The following CCDC27 variants were observed in gnomAD, a reference collection of about 807,000 sequenced individuals.
CCDC27 encodes coiled-coil domain-containing protein 27.
A neutral mutation model predicts 80.3 loss-of-function variants in CCDC27; 80 were observed. That is an observed-to-expected ratio of 1.00 (90% CI 0.83 to 1.20). The LOEUF is 1.20. Ranked by LOEUF, CCDC27 falls within the 50% of genes most tolerant of loss-of-function variation. CCDC27 has a pLI of 0.00. For missense variants in CCDC27, 815 were observed against 809.4 expected (o/e 1.01, Z -0.08); for synonymous variants, 342 against 334.3 (o/e 1.02, Z -0.25).
At chr1:3,755,830 T>C in intron 3 of CCDC27, 1 of 448,044 alleles carries the variant, frequency 2.2e-6, no homozygotes. Context: ...CCCTTGGCCT[T>C]TACCCAGTGG....
Position 3,760,256 on chromosome 1 carries a change from C to T in CCDC27, c.712-1025C>T, listed in dbSNP as rs997580990. ...CATAAAGTGGTAAGAATCCATACTA[C>T]AAAGATTCCCATGTACTTTTCCATT... On this transcript the variant is annotated intron_variant, in intron 4 of 11. Coordinates refer to ENST00000294600, the MANE Select transcript of CCDC27 (RefSeq NM_152492.3). The surrounding 1 kb of genome is among the most constrained non-coding windows in gnomAD (Gnocchi z 4.3). Among the ~76,000 whole-genome samples the T allele has an allele frequency of 2.0e-5, 3 of 152,130 alleles. No homozygotes were observed. Among genetic ancestry groups the T allele is most frequent in the Non-Finnish European group, 4.4e-5 (3 of 68,022 alleles).
chr1:3,762,920 C>A, intron 6 of CCDC27, 188 bp from the exon 7 acceptor site: 2 of 821,598 alleles, frequency 2.4e-6, no homozygotes, highest in Non-Finnish European at 3.7e-6. Context: ...AGGGAGGACC[C>A]GTGACAGAGG....
chr1:3,754,260 G>C lies in CCDC27; in HGVS notation c.442+19G>C. On this transcript the variant is annotated intron_variant, in intron 2 of 11. Transcript: ENST00000294600. The stretch of plus-strand genomic sequence containing the variant: ...CACTGTGGTAAGAGCCCCCCACCAG[G>C]ACCGCCTGTGAAACTGCCTGTCAGA... The C allele has an allele frequency of 6.4e-7, 1 of 1,559,500 alleles. No individual in the cohort carries two copies. Among genetic ancestry groups the C allele is most frequent in the Non-Finnish European group, 8.7e-7 (1 of 1,152,350 alleles).
chr1:3,763,213 G>C lies in CCDC27; in HGVS notation c.1060G>C (p.Gly354Arg). 6.5e-7 allele frequency: 1 copy of C among 1,537,258 alleles called. No individual in the cohort carries two copies. The highest frequency in any genetic ancestry group is 8.8e-7 in the Non-Finnish European group (1 of 1,138,554). Residue 354 changes from glycine (G) to arginine (R), a missense_variant, in exon 7 of 12, where the codon GGT becomes CGT. Coordinates refer to ENST00000294600, the MANE Select transcript of CCDC27 (RefSeq NM_152492.3). This position sits in a 1 kb window ranked among gnomAD's most constrained non-coding sequence, Gnocchi z 7.5. ...GGAGCCCGATGGGGTGGAGGACACG[G>C]GTGCCTGGGGAGGTGTGAGCCAGAT... ...EGEPDGVEDT[G>R]AWGGVSQMGS... is the part of the protein sequence containing the mutation.
chr1:3,766,609 A>G lies in CCDC27; in HGVS notation c.1527A>G (p.Arg509=), dbSNP rs146467132. The G allele has an allele frequency of 5.2e-5, 84 of 1,612,808 alleles. No individual in the cohort carries two copies. In the African/African-American group the frequency reaches 1.0e-3, roughly 19 times the overall value. ...TTGAAAAGGACAACCAGCTCCTCCG[A>G]CAGGTGACAGCCTGGGTGTCGTTAA... ...GLIEKDNQLL[R]QQVSELERKL... Residue 509 remains arginine (R), a synonymous_variant, in exon 9 of 12, where the codon CGA becomes CGG. Coordinates refer to ENST00000294600, the MANE Select transcript of CCDC27 (RefSeq NM_152492.3). This position sits in a 1 kb window ranked among gnomAD's most constrained non-coding sequence, Gnocchi z 6.1.
chr1:3,755,768 C>A, intron 3 of CCDC27: 1 of 579,596 alleles, frequency 1.7e-6, no homozygotes, highest in Non-Finnish European at 3.1e-6. Flanking sequence ...TGCAGTCCCC[C>A]CAGGACCGTG....
Position 3,763,068 on chromosome 1 carries a change from C to T in CCDC27, c.955-40C>T, listed in dbSNP as rs377070820. 26 of 1,452,064 alleles carry T rather than the reference C, an allele frequency of 1.8e-5. No homozygotes were observed. The African/African-American group carries it at 3.7e-4, about 21-fold the overall frequency. The allele number at this position is 1,452,064 out of a possible 1,614,324, so 89.9% of individuals were successfully genotyped here. ...TTAGAGCCCTCTGCCCTGGGGGTGC[C>T]CCGCAGCCCTGCCCAGCCCCTGCCC... On this transcript the variant is annotated intron_variant, in intron 6 of 11. Coordinates refer to ENST00000294600, the MANE Select transcript of CCDC27 (RefSeq NM_152492.3). This position sits in a 1 kb window ranked among gnomAD's most constrained non-coding sequence, Gnocchi z 7.5.
Position 3,756,891 on chromosome 1 carries a change from G to T in CCDC27, c.711+1G>T. On this transcript the variant is annotated splice_donor_variant, in intron 4 of 11. Transcript: ENST00000294600. LOFTEE classifies it high-confidence loss of function. ...GTACCTCTCAGTCATCCACGAGAAGGTACTGGCGGAGGGGGTGCAAATCCC... is the reference window on the plus strand; with the variant it reads ...GTACCTCTCAGTCATCCACGAGAAGTTACTGGCGGAGGGGGTGCAAATCCC... The T allele has an allele frequency of 6.2e-7, 1 of 1,610,654 alleles. No individual in the cohort carries two copies. The highest frequency in any genetic ancestry group is 2.2e-5 in the East Asian group (1 of 44,830).
At chr1:3,756,996 G>A in intron 4 of CCDC27, 106 bp downstream of exon 4, 1 of 1,344,120 alleles carries the variant, frequency 7.4e-7, no homozygotes. Flanking sequence ...TATCTGGTTA[G>A]CTGCATCAAG....
Position 3,763,263 on chromosome 1 carries a change from C to G in CCDC27, c.1110C>G (p.Ser370Arg). 2 of 1,577,398 alleles carry G rather than the reference C, an allele frequency of 1.3e-6. No homozygotes were observed. Among genetic ancestry groups the G allele is most frequent in the Non-Finnish European group, 1.7e-6 (2 of 1,160,964 alleles). ...SQMGSVHEEG[S>R]EEEEEEEGDR... ...TGGGATCCGTGCATGAGGAGGGAAG[C>G]GAGGAGGAGGAAGAGGAGGAAGGGG... The change falls in exon 7 of 12, where the codon AGC becomes AGG. Residue 370 changes from serine (S) to arginine (R), a missense_variant. Transcript: ENST00000294600. The surrounding 1 kb of genome is among the most constrained non-coding windows in gnomAD (Gnocchi z 7.5).
rs750788282 is a variant in CCDC27, at chr1:3,761,486, C to T, written c.861+56C>T. 35 of 1,574,072 alleles carry T rather than the reference C, an allele frequency of 2.2e-5. No individual in the cohort carries two copies. The Admixed American group carries it at 2.7e-4, about 12-fold the overall frequency. Reference sequence around the variant, plus strand: ...AGCTCTAAGACGGTTGTTTTCAAAGCGTCCAAAGCTGCTAGTGACACACAG... The same window carrying T: ...AGCTCTAAGACGGTTGTTTTCAAAGTGTCCAAAGCTGCTAGTGACACACAG... On this transcript the variant is annotated intron_variant, in intron 5 of 11. Coordinates refer to ENST00000294600, the MANE Select transcript of CCDC27 (RefSeq NM_152492.3). The surrounding 1 kb of genome is among the most constrained non-coding windows in gnomAD (Gnocchi z 5.0).
chr1:3,752,937 G>A lies in CCDC27; in HGVS notation c.318+138G>A. 3 of 1,004,032 alleles carry A rather than the reference G, an allele frequency of 3.0e-6. 1 individual carries two copies. The South Asian group carries it at 5.1e-5, about 17-fold the overall frequency. 62.2% of individuals were successfully genotyped at this position (1,004,032 alleles called of 1,614,324 possible). On this transcript the variant is annotated intron_variant, in intron 1 of 11. Coordinates refer to ENST00000294600, the MANE Select transcript of CCDC27 (RefSeq NM_152492.3). ...GATGGGTTACCAAAGGGGGATTCCA[G>A]GCAGGCAACGAATTGAGCGCTAGGG...
chr1:3,769,651 C>T lies in CCDC27; in HGVS notation c.1744-132C>T. ...CTTCTCTGACACCTGTTTCCAGTTT[C>T]TAAAGCCATGAAAAGTGAGGGTGAG... On this transcript the variant is annotated intron_variant, in intron 10 of 11. Transcript: ENST00000294600. This position sits in a 1 kb window ranked among gnomAD's most constrained non-coding sequence, Gnocchi z 4.6. 1.5e-6 allele frequency: 1 copy of T among 675,482 alleles called. No individual in the cohort carries two copies. The highest frequency in any genetic ancestry group is 2.6e-4 in the Middle Eastern group (1 of 3,864). The allele number at this position is 675,482 out of a possible 1,614,324, so 41.8% of individuals were successfully genotyped here.
intron 3 of CCDC27, chr1:3,755,847 G>C (rs1375457993): frequency 2.4e-6 from 1 of 408,908 alleles, no homozygotes; most frequent in Non-Finnish European, 4.6e-6. Context: ...GTGGCTGATG[G>C]GTGCATCCCT....
At chr1:3,754,335 C>T (rs959307724) in intron 2 of CCDC27, 94 bp downstream of exon 2, 56 of 1,432,950 alleles carry the variant, frequency 3.9e-5, no homozygotes, top group East Asian at 1.6e-4. Context: ...TGCGAGCAGC[C>T]GCCAGAGTTG....
intron 6 of CCDC27, 115 bp downstream of exon 6, chr1:3,762,827 G>C (rs901237674): frequency 1.9e-6 from 2 of 1,035,792 alleles, no homozygotes; most frequent in Non-Finnish European, 2.8e-6. Flanking sequence ...CCTGACCTGG[G>C]GTGCCCCACT....
intron 9 of CCDC27, 32 bp from the exon 10 acceptor site, chr1:3,767,201 C>G: frequency 6.2e-7 from 1 of 1,605,066 alleles, no homozygotes; most frequent in South Asian, 1.1e-5. Context: ...GCGAAATGAC[C>G]CCACCTCTTT....
Position 3,771,477 on chromosome 1 carries a change from C to A in CCDC27, c.1925C>A (p.Ser642Ter). 6.2e-7 allele frequency: 1 copy of A among 1,614,010 alleles called. No homozygotes were observed. Among genetic ancestry groups the A allele is most frequent in the Non-Finnish European group, 8.5e-7 (1 of 1,179,978 alleles). Residue 642 changes from serine (S) to a stop codon, truncating the protein, a stop_gained, in exon 12 of 12, where the codon TCA becomes TAA. Transcript: ENST00000294600. LOFTEE classifies it low-confidence loss of function (END_TRUNC). ...KGVKVPPLQQSEAFLTSKSKK... is the reference protein window; with the variant it reads ...KGVKVPPLQQ ...GTCAAAGTGCCCCCCCTGCAACAGT[C>A]AGAGGCCTTCCTGACCAGCAAATCC...
intron 4 of CCDC27, among the ~76,000 whole-genome samples, chr1:3,759,394 C>G (rs1418047989): frequency 6.6e-6 from 1 of 152,194 alleles, no homozygotes; most frequent in South Asian, 2.1e-4. Context: ...TTTGATGCAG[C>G]TTGGGCAGGG....
Sources: gnomAD v4.1 joint callset for allele counts (sites outside exome capture counted in the v4.1 genomes callset) on GRCh38, gnomAD v4.1.1 for gene constraint, Gnocchi (gnomAD v3.1) non-coding constraint, MANE v1.5 for transcripts, NCBI Gene and HGNC (gene_info 2026-07-23, HGNC 2026-07-21) for gene names.